ATG7: variants seen among roughly 807,000 people sequenced by gnomAD.
The protein encoded by ATG7 is ubiquitin-like modifier-activating enzyme ATG7.
Under a neutral mutation model 82.4 loss-of-function variants are expected in ATG7, and 70 were observed. That is an observed-to-expected ratio of 0.85 (90% CI 0.70 to 1.04). ATG7 has a LOEUF of 1.04. ATG7 is among the 50% of genes least tolerant of loss of function. The pLI is 0.00. For missense variants in ATG7, 792 were observed against 864.3 expected (o/e 0.92, Z 1.05); for synonymous variants, 287 against 313.0 (o/e 0.92, Z 0.88).
chr3:11,441,559 C>T (rs1184410746), intron 20 of ATG7, among the ~76,000 whole-genome samples: 1 of 151,400 alleles, frequency 6.6e-6, no homozygotes, highest in Non-Finnish European at 1.5e-5. Flanking sequence ...TGTTTTAAAG[C>T]ACCAGTTTGG....
chr3:11,516,056 A>T (rs2092272012), intron 20 of ATG7, among the ~76,000 whole-genome samples: 1 of 151,786 alleles, frequency 6.6e-6, no homozygotes, highest in Non-Finnish European at 1.5e-5. Flanking sequence ...ACAAAAAAAC[A>T]TAGGACATAG....
Position 11,554,902 on chromosome 3 carries a change from C to G in ATG7, c.*59C>G. The G allele has an allele frequency of 6.3e-7, 1 of 1,590,126 alleles. No homozygotes were observed. Among genetic ancestry groups the G allele is most frequent in the Non-Finnish European group, 8.6e-7 (1 of 1,168,668 alleles). On this transcript the variant is annotated 3_prime_UTR_variant, in exon 21 of 21. Transcript: ENST00000693202. The stretch of plus-strand genomic sequence containing the variant: ...CCGCCTGCTGAGGAGCTCTCCATCG[C>G]CAGAGCAGGACTGCTGACCCCAGGC...
chr3:11,573,539 T>C, the ATG7 span, among the ~76,000 whole-genome samples: 8 of 152,146 alleles, frequency 5.3e-5, no homozygotes, highest in African/African-American at 1.7e-4. Context: ...AAGGCAGCCA[T>C]CCACTTTGCT....
intron 1 of ATG7, among the ~76,000 whole-genome samples, chr3:11,279,767 A>G (rs1942665418): frequency 6.6e-6 from 1 of 152,224 alleles, no homozygotes. Context: ...TATAGGAAAC[A>G]CTGTTGCCTC....
Position 11,306,988 on chromosome 3 carries a change from G to T in ATG7, c.261G>T (p.Leu87=). 1 of 1,614,070 alleles carries T rather than the reference G, an allele frequency of 6.2e-7. No individual in the cohort carries two copies. The highest frequency in any genetic ancestry group is 8.5e-7 in the Non-Finnish European group (1 of 1,180,004). Residue 87 remains leucine, a synonymous_variant, in exon 6 of 21, where the codon CTG becomes CTT. Coordinates refer to ENST00000693202, the MANE Select transcript of ATG7 (RefSeq NM_001349232.2). ...PARCCPAIGT[L]YNTNTLESFK... is the part of the protein sequence containing the mutation. ...GTTGCTGCCCAGCTATTGGAACACT[G>T]TATAACACCAACACACTCGAGTCTT...
intron 20 of ATG7, among the ~76,000 whole-genome samples, chr3:11,507,327 C>G (rs1198610846): frequency 6.6e-6 from 1 of 152,024 alleles, no homozygotes; most frequent in East Asian, 1.9e-4. Context: ...AAATAAAACA[C>G]AGAGTTACAA....
intron 20 of ATG7, among the ~76,000 whole-genome samples, chr3:11,453,085 C>G (rs1046664588): frequency 6.6e-6 from 1 of 152,154 alleles, no homozygotes; most frequent in Non-Finnish European, 1.5e-5. Context: ...ACAGCTCTGT[C>G]CACCACGCCT....
intron 13 of ATG7, among the ~76,000 whole-genome samples, chr3:11,344,887 C>T (rs943047580): frequency 5.3e-5 from 8 of 152,156 alleles, no homozygotes; most frequent in African/African-American, 1.7e-4. Flanking sequence ...GATCAATTAA[C>T]CAATAAATTT....
At chr3:11,324,287 T>C (rs1950577557) in intron 9 of ATG7, among the ~76,000 whole-genome samples, 1 of 152,212 alleles carries the variant, frequency 6.6e-6, no homozygotes, top group South Asian at 2.1e-4. Flanking sequence ...TTAACCGTAG[T>C]ATAAGCTGGC....
intron 3 of ATG7, among the ~76,000 whole-genome samples, chr3:11,291,269 C>T (rs1381918066): frequency 6.6e-6 from 1 of 152,216 alleles, no homozygotes; most frequent in East Asian, 1.9e-4. Context: ...TTTCCTTCCA[C>T]ATTGGATGAT....
At chr3:11,400,877 T>C (rs776268745) in intron 19 of ATG7, among the ~76,000 whole-genome samples, 1 of 152,224 alleles carries the variant, frequency 6.6e-6, no homozygotes, top group Non-Finnish European at 1.5e-5. Flanking sequence ...TGGCTCTCTC[T>C]GCAGGGGAAT....
chr3:11,322,958 G>A (rs1419379413), intron 9 of ATG7, among the ~76,000 whole-genome samples: 1 of 152,166 alleles, frequency 6.6e-6, no homozygotes, highest in African/African-American at 2.4e-5. Context: ...AATTAGCTAG[G>A]TGTGGTGGCA....
chr3:11,380,856 G>T (rs1241626472), intron 19 of ATG7, among the ~76,000 whole-genome samples: 1 of 152,108 alleles, frequency 6.6e-6, no homozygotes, highest in African/African-American at 2.4e-5. Flanking sequence ...ACTATTTTTC[G>T]TGTAGCCTTC....
chr3:11,560,034 G>A (rs570024030), downstream of ATG7, among the ~76,000 whole-genome samples: 29 of 152,022 alleles, frequency 1.9e-4, no homozygotes, highest in Non-Finnish European at 3.7e-4. Flanking sequence ...TCTGCCCTGT[G>A]CACAGCCTCA....
intron 20 of ATG7, among the ~76,000 whole-genome samples, chr3:11,467,140 CAAACA>C (rs755444324): frequency 6.7e-4 from 25 of 37,468 alleles, no homozygotes; most frequent in East Asian, 0.014. Flanking sequence ...AAAACAAAAA[CAAACA>C]AAAAAAACTG....
intron 20 of ATG7, among the ~76,000 whole-genome samples, chr3:11,491,360 G>A (rs1347386137): frequency 6.6e-6 from 1 of 152,088 alleles, no homozygotes; most frequent in Non-Finnish European, 1.5e-5. Context: ...GGTTATTCTA[G>A]TTATACATTC....
intron 3 of ATG7, among the ~76,000 whole-genome samples, chr3:11,287,556 C>T (rs144183677): frequency 1.1e-4 from 16 of 152,294 alleles, no homozygotes; most frequent in African/African-American, 3.6e-4. Flanking sequence ...ATAAGGAAAC[C>T]ATCAGAGGTG....
chr3:11,440,311 C>G (rs900842342), intron 20 of ATG7, among the ~76,000 whole-genome samples: 13 of 144,544 alleles, frequency 9.0e-5, no homozygotes, highest in Non-Finnish European at 1.8e-4. Flanking sequence ...TCCTTTCTTT[C>G]TGGCCTTTAC....
At chr3:11,573,005 A>C in the ATG7 span, among the ~76,000 whole-genome samples, 1 of 151,748 alleles carries the variant, frequency 6.6e-6, no homozygotes, top group Admixed American at 6.6e-5. Flanking sequence ...CCCTCTACTA[A>C]AAATACAAAA....
Sources: gnomAD v4.1 joint callset for allele counts (sites outside exome capture counted in the v4.1 genomes callset) on GRCh38, gnomAD v4.1.1 for gene constraint, MANE v1.5 for transcripts, NCBI Gene and HGNC (gene_info 2026-07-23, HGNC 2026-07-21) for gene names.